Variants in PLTP observed in about 807,000 individuals in gnomAD.
The protein encoded by PLTP is BPI fold containing family E.
PLTP carries 43 observed loss-of-function variants against 54.1 expected under a neutral mutation model. That is an observed-to-expected ratio of 0.79 (90% confidence interval 0.62 to 1.02). The LOEUF is 1.02. PLTP is among the 50% of genes least tolerant of loss of function. PLTP has a pLI of 0.00. For synonymous variants in PLTP, 263 were observed against 264.6 expected, an observed-to-expected ratio of 0.99 and a Z score of 0.06; for missense variants, 604 against 645.9, an observed-to-expected ratio of 0.94 and a Z score of 0.70.
chr20:45,911,854 G>C (rs764377653), intron 1 of PLTP: 14 of 325,464 alleles, frequency 4.3e-5, no homozygotes, highest in Non-Finnish European at 7.7e-5. Flanking sequence ...GGTGGCTTGC[G>C]GTCTCCTAGG....
In PLTP at chr20:45,899,079, G is replaced by A. The variant is rs1202897832; in HGVS notation, c.1360-16C>T. On this transcript the variant is annotated splice_polypyrimidine_tract_variant and intron_variant, in intron 15 of 15. Coordinates refer to ENST00000372431, the MANE Select transcript of PLTP (RefSeq NM_006227.4). ...TGAGGAATCCCTGTGTTGGGGAGAG[G>A]GGAGCCTCATTTATTCATTCAGTTA... 1.2e-6 allele frequency: 2 copies of A among 1,614,122 alleles called. No homozygotes were observed. The highest frequency in any genetic ancestry group is 1.1e-5 in the South Asian group (1 of 91,082).
At chr20:45,901,637 C>T (rs1462622342) in intron 12 of PLTP, among the ~76,000 whole-genome samples, 4 of 151,962 alleles carry the variant, frequency 2.6e-5, no homozygotes, top group Admixed American at 2.0e-4. Flanking sequence ...CACAGTGGCT[C>T]ATACCTATAA....
In PLTP at chr20:45,909,655, T is replaced by C; in HGVS notation, c.346A>G (p.Ile116Val). 6.2e-7 allele frequency: 1 copy of C among 1,614,140 alleles called. No homozygotes were observed. The highest frequency in any genetic ancestry group is 8.5e-7 in the Non-Finnish European group (1 of 1,180,014). ...GACACACCCTCAGCTGAGGCGTTGA[T>C]GTAGCCCCCATCATAGCTGCCAGGG... The part of the protein sequence containing the change: ...LYWFFYDGGY[I>V]NASAEGVSIR... The change falls in exon 5 of 16, where the codon ATC (isoleucine) becomes GTC (valine). Residue 116 changes from isoleucine (I) to valine (V), a missense_variant. By Grantham distance (29) the Ile-to-Val change is conservative. Transcript: ENST00000372431.
At position 45,905,072 on chromosome 20, in the gene PLTP, C is replaced by T. The variant is rs367756234; in HGVS notation, c.752G>A (p.Arg251Gln). 2.0e-5 allele frequency: 33 copies of T among 1,614,182 alleles called. No individual in the cohort carries two copies. The highest frequency in any genetic ancestry group is 1.2e-4 in the South Asian group (11 of 91,088). ...LTERNWSLPN[R>Q]AVEPQLQEEE... Reference sequence around the variant, plus strand: ...CTCCTGCAGCTGGGGCTCCACTGCCCGGTTGGGGAGGCTCCAGTTCCTCTC... The same window carrying T: ...CTCCTGCAGCTGGGGCTCCACTGCCTGGTTGGGGAGGCTCCAGTTCCTCTC... Residue 251 changes from arginine to glutamine, a missense_variant, in exon 9 of 16, where the codon CGG becomes CAG. Transcript: ENST00000372431.
chr20:45,902,168 A>G, intron 12 of PLTP, 99 bp downstream of exon 12: 9 of 1,260,330 alleles, frequency 7.1e-6, no homozygotes, highest in Non-Finnish European at 1.0e-5. Context: ...CCCAGCTCTC[A>G]GTGGCTTACA....
Position 45,909,620 on chromosome 20 carries a change from A to G in PLTP, c.381T>C (p.Thr127=). Residue 127 remains threonine, a synonymous_variant, in exon 5 of 16, where the codon ACT becomes ACC. Coordinates refer to ENST00000372431, the MANE Select transcript of PLTP (RefSeq NM_006227.4). ...CGGGATCCCGGGAGAGCTCCAGACC[A>G]GTGCGGATGGACACACCCTCAGCTG... ...NASAEGVSIR[T]GLELSRDPAG... The G allele has an allele frequency of 6.2e-7, 1 of 1,614,186 alleles. No homozygotes were observed. The highest frequency in any genetic ancestry group is 1.3e-5 in the African/African-American group (1 of 75,066).
chr20:45,899,759 G>T, intron 13 of PLTP, 74 bp from the exon 14 acceptor site: 1 of 1,603,000 alleles, frequency 6.2e-7, no homozygotes, highest in Non-Finnish European at 8.5e-7. Context: ...CAGGTGAGCA[G>T]TTATATGAGG....
Position 45,911,423 on chromosome 20 carries a change from C to A in PLTP, c.30G>T (p.Ala10=). Residue 10 remains alanine, a synonymous_variant, in exon 2 of 16, where the codon GCG becomes GCT. Coordinates refer to ENST00000372431, the MANE Select transcript of PLTP (RefSeq NM_006227.4). ...ACTCTGCATGTGCGCCTGCCAGCAG[C>A]GCTAGGAAGAGGGCCCCGAAGAGGG... MALFGALFL[A]LLAGAHAEFP... is the part of the protein sequence containing the mutation. The A allele has an allele frequency of 6.2e-7, 1 of 1,607,100 alleles. No homozygotes were observed. The highest frequency in any genetic ancestry group is 8.5e-7 in the Non-Finnish European group (1 of 1,179,960).
At chr20:45,900,437 G>C (rs539787783) in intron 12 of PLTP, among the ~76,000 whole-genome samples, 5 of 152,130 alleles carry the variant, frequency 3.3e-5, no homozygotes, top group South Asian at 4.2e-4. Context: ...CCAGACTTCT[G>C]CTGGTAGCTT....
At chr20:45,901,985 G>C (rs986203855) in intron 12 of PLTP, among the ~76,000 whole-genome samples, 4 of 151,822 alleles carry the variant, frequency 2.6e-5, no homozygotes, top group African/African-American at 9.7e-5. Context: ...TGAGGTTTTT[G>C]TCAAAACCCA....
intron 1 of PLTP, chr20:45,911,729 T>A (rs2038703796): frequency 1.8e-6 from 1 of 549,392 alleles, no homozygotes; most frequent in African/African-American, 1.9e-5. Context: ...CGTGATGAGT[T>A]TGGACCTCCA....
At chr20:45,899,366 G>A (rs1243123974) in intron 15 of PLTP, 96 bp downstream of exon 15, 5 of 1,314,928 alleles carry the variant, frequency 3.8e-6, no homozygotes, top group Non-Finnish European at 5.5e-6. Flanking sequence ...AGGGGCGACT[G>A]GTAATGGGGG....
chr20:45,907,651 C>CT (rs779706638), intron 7 of PLTP, 41 bp downstream of exon 7: 152 of 1,585,490 alleles, frequency 9.6e-5, no homozygotes, highest in Non-Finnish European at 1.3e-4. Context: ...TGAGGTGCTG[C>CT]ATGACAGCTG....
chr20:45,910,212 G>A (rs2083277541), intron 3 of PLTP, 142 bp from the exon 4 acceptor site: 1 of 906,080 alleles, frequency 1.1e-6, no homozygotes, highest in Non-Finnish European at 1.7e-6. Context: ...TCCCTCAAGT[G>A]CCCAACTTAG....
intron 7 of PLTP, among the ~76,000 whole-genome samples, chr20:45,907,332 CA>C (rs201245712): frequency 0.25 from 24,902 of 99,488 alleles, 3,126 homozygotes; most frequent in East Asian, 0.59. Flanking sequence ...AGACTCCGTG[CA>C]AAAAAAAAAA....
At chr20:45,907,046 T>C (rs2083246234) in intron 7 of PLTP, among the ~76,000 whole-genome samples, 1 of 126,768 alleles carries the variant, frequency 7.9e-6, no homozygotes, top group Admixed American at 8.5e-5. Flanking sequence ...AGGGAATTCA[T>C]GGCCAGGCAC....
At chr20:45,911,696 C>G (rs1456821157) in intron 1 of PLTP, 1 of 601,522 alleles carries the variant, frequency 1.7e-6, no homozygotes, top group Non-Finnish European at 2.9e-6. Flanking sequence ...GGGGACGTTC[C>G]CAGTTCCCTC....
intron 3 of PLTP, chr20:45,910,753 A>C: frequency 1.3e-5 from 11 of 834,156 alleles, no homozygotes; most frequent in Admixed American, 4.5e-5. Context: ...TCAATTCCTT[A>C]TTCCCCCTCC....
chr20:45,910,170 A>G, intron 3 of PLTP, 100 bp from the exon 4 acceptor site: 1 of 1,326,656 alleles, frequency 7.5e-7, no homozygotes, highest in South Asian at 1.2e-5. Context: ...GGCCTGGGGA[A>G]GCGGGAGTGG....
Sources: allele counts gnomAD v4.1 joint callset (sites outside exome capture counted in the v4.1 genomes callset), GRCh38; gene constraint gnomAD v4.1.1; transcripts MANE v1.5; gene names NCBI Gene and HGNC (gene_info 2026-07-23, HGNC 2026-07-21).